The following LMBRD2 variants were observed in gnomAD, a reference collection of about 807,000 sequenced individuals.
The protein encoded by LMBRD2 is G protein-coupled receptor-associated protein LMBRD2.
In LMBRD2, 55 loss-of-function variants were observed where a neutral mutation model predicts 94.4. That is an observed-to-expected ratio of 0.58 (90% CI 0.47 to 0.73). The LOEUF is 0.73. Among genes scored for constraint, LMBRD2 ranks in the 30% least tolerant of loss-of-function variants. The pLI, the probability that LMBRD2 is intolerant of heterozygous loss-of-function variation, is 0.00. For missense variants in LMBRD2, 640 were observed against 831.9 expected (o/e 0.77, Z 2.84); for synonymous variants, 246 against 272.4 (o/e 0.90, Z 0.95).
At chr5:36,140,594 A>G (rs943355347) in intron 4 of LMBRD2, among the ~76,000 whole-genome samples, 4 of 152,210 alleles carry the variant, frequency 2.6e-5, no homozygotes, top group Non-Finnish European at 5.9e-5. Flanking sequence ...GAGAAGCTGA[A>G]AGAGCTGCCG....
chr5:36,115,156 T>C, intron 11 of LMBRD2, 36 bp from the exon 12 acceptor site: 1 of 1,296,852 alleles, frequency 7.7e-7, no homozygotes, highest in East Asian at 2.4e-5. Context: ...ATATAAAAAG[T>C]AAAGCAGCAA....
intron 16 of LMBRD2, among the ~76,000 whole-genome samples, chr5:36,106,905 C>T (rs553080711): frequency 1.3e-5 from 2 of 152,236 alleles, no homozygotes; most frequent in South Asian, 2.1e-4. Flanking sequence ...CATGCATTTT[C>T]CCAAAGGTTC....
At chr5:36,144,651 T>A (rs1247126661) in intron 1 of LMBRD2, among the ~76,000 whole-genome samples, 4 of 152,128 alleles carry the variant, frequency 2.6e-5, no homozygotes, top group African/African-American at 9.7e-5. Context: ...GCCATTACAC[T>A]GAAGCCTGGG....
At chr5:36,111,582 AT>A (rs924537348) in intron 13 of LMBRD2, among the ~76,000 whole-genome samples, 2 of 151,998 alleles carry the variant, frequency 1.3e-5, no homozygotes, top group African/African-American at 2.4e-5. Context: ...TGTAAGAGCA[AT>A]TTTTTTCCTC....
chr5:36,109,827 T>C (rs1264690075), intron 15 of LMBRD2, 118 bp downstream of exon 15: 1 of 725,538 alleles, frequency 1.4e-6, no homozygotes, highest in Non-Finnish European at 2.3e-6. Flanking sequence ...AAATATATCT[T>C]ATAACATTTT....
At chr5:36,120,836 A>G (rs1357024583) in intron 9 of LMBRD2, among the ~76,000 whole-genome samples, 1 of 152,056 alleles carries the variant, frequency 6.6e-6, no homozygotes, top group East Asian at 1.9e-4. Context: ...TACTTTATAT[A>G]CTCTTTTCCT....
Position 36,102,161 on chromosome 5 carries a change from GGAT to G in LMBRD2, c.*1882_*1884del, listed in dbSNP as rs1446000140. On this transcript the variant is annotated 3_prime_UTR_variant, in exon 18 of 18. Transcript: ENST00000296603. ...TAATAAGAAACTGGACCCATTTCTG[GGAT>G]GATCATTTCCCCATCCAATACCTTC... is the stretch of plus-strand genomic sequence containing the variant. 6.6e-6 allele frequency: 1 copy of G among 151,818 alleles called. No homozygotes were observed. Among genetic ancestry groups the G allele is most frequent in the Non-Finnish European group, 1.5e-5 (1 of 67,828 alleles). The allele number at this position is 151,818 out of a possible 1,614,324, so 9.4% of individuals were successfully genotyped here.
intron 16 of LMBRD2, among the ~76,000 whole-genome samples, chr5:36,106,929 C>T (rs969768846): frequency 3.3e-5 from 5 of 152,148 alleles, no homozygotes; most frequent in Admixed American, 6.6e-5. Flanking sequence ...CATGCCACAA[C>T]GTCCTGCACT....
At chr5:36,128,036 C>T (rs1355562375) in intron 6 of LMBRD2, among the ~76,000 whole-genome samples, 3 of 152,170 alleles carry the variant, frequency 2.0e-5, no homozygotes, top group Non-Finnish European at 4.4e-5. Flanking sequence ...CCTCCCCCAC[C>T]TCCAGGCAGC....
intron 6 of LMBRD2, among the ~76,000 whole-genome samples, chr5:36,134,998 C>G (rs894290456): frequency 6.6e-6 from 1 of 152,156 alleles, no homozygotes; most frequent in African/African-American, 2.4e-5. Flanking sequence ...TCAATTCAGT[C>G]CACTACTTGT....
At chr5:36,113,925 C>T (rs968955995) in intron 13 of LMBRD2, among the ~76,000 whole-genome samples, 3 of 152,162 alleles carry the variant, frequency 2.0e-5, no homozygotes, top group Non-Finnish European at 4.4e-5. Context: ...TACTTTATGA[C>T]ACAGGAGAAA....
chr5:36,146,189 T>C (rs371966342), intron 1 of LMBRD2, among the ~76,000 whole-genome samples: 2 of 152,242 alleles, frequency 1.3e-5, no homozygotes, highest in East Asian at 1.9e-4. Context: ...ACCACTGCTG[T>C]AACAAATTAC....
At chr5:36,114,866 A>G (rs765870060) in intron 12 of LMBRD2, 149 bp downstream of exon 12, 1 of 611,902 alleles carries the variant, frequency 1.6e-6, no homozygotes, top group Non-Finnish European at 2.8e-6. Flanking sequence ...ACTTTTATCT[A>G]GTCAATAGTA....
intron 3 of LMBRD2, 130 bp from the exon 4 acceptor site, chr5:36,141,332 A>G (rs1325083749): frequency 2.9e-5 from 14 of 479,720 alleles, no homozygotes; most frequent in Non-Finnish European, 4.1e-5. Context: ...TCAATAACCC[A>G]TAAAATTTCA....
rs1337467045 is a variant in LMBRD2, at chr5:36,099,557, T to C, written c.*4489A>G. 6.6e-6 allele frequency: 1 copy of C among 152,104 alleles called. No homozygotes were observed. Among genetic ancestry groups the C allele is most frequent in the Non-Finnish European group, 1.5e-5 (1 of 68,002 alleles). The allele number at this position is 152,104 out of a possible 1,614,324, so 9.4% of individuals were successfully genotyped here. On this transcript the variant is annotated 3_prime_UTR_variant, in exon 18 of 18. Coordinates refer to ENST00000296603, the MANE Select transcript of LMBRD2 (RefSeq NM_001007527.2). ...TTCCAAATTAGTAGGCTAATAACAT[T>C]TATGTCAATATCAACTCTAAATGGT... is the stretch of plus-strand genomic sequence containing the variant.
intron 10 of LMBRD2, 113 bp from the exon 11 acceptor site, chr5:36,116,706 T>G (rs993106191): frequency 4.7e-5 from 49 of 1,032,930 alleles, no homozygotes; most frequent in Non-Finnish European, 5.5e-5. Context: ...AGATGGAGTC[T>G]CGCCCTGTCA....
chr5:36,111,135 T>C lies in LMBRD2; in HGVS notation c.1744+20A>G. The C allele has an allele frequency of 6.9e-7, 1 of 1,445,370 alleles. No individual in the cohort carries two copies. Among genetic ancestry groups the C allele is most frequent in the South Asian group, 1.2e-5 (1 of 83,428 alleles). The allele number at this position is 1,445,370 out of a possible 1,614,324, so 89.5% of individuals were successfully genotyped here. A position where few individuals can be genotyped will look rare whatever the true frequency, so the allele number is the denominator to read the frequency against. On this transcript the variant is annotated intron_variant, in intron 14 of 17. Coordinates refer to ENST00000296603, the MANE Select transcript of LMBRD2 (RefSeq NM_001007527.2). ...GCACTTAGTATTTTCCCTTCATTTA[T>C]TTTAAAAGACAAATCTTACCTTTTC...
In LMBRD2 at chr5:36,103,440, A is replaced by G. The variant is rs1743387516; in HGVS notation, c.*606T>C. On this transcript the variant is annotated 3_prime_UTR_variant, in exon 18 of 18. Coordinates refer to ENST00000296603, the MANE Select transcript of LMBRD2 (RefSeq NM_001007527.2). ...AAATACACAGACACGCATCACTTGA[A>G]GTATAATCTTAATCTTATACATGCA... The G allele has an allele frequency of 6.6e-6, 1 of 152,396 alleles. No individual in the cohort carries two copies. Among genetic ancestry groups the G allele is most frequent in the Admixed American group, 6.6e-5 (1 of 15,224 alleles). 9.4% of individuals were successfully genotyped at this position (152,396 alleles called of 1,614,324 possible). A position where few individuals can be genotyped will look rare whatever the true frequency, so the allele number is the denominator to read the frequency against.
chr5:36,105,282 T>C (rs2111837652), intron 16 of LMBRD2, 85 bp from the exon 17 acceptor site: 1 of 1,240,728 alleles, frequency 8.1e-7, no homozygotes, highest in Admixed American at 2.3e-5. Context: ...GAAAGAAAAA[T>C]CAAAATTCCA....
Sources: allele counts gnomAD v4.1 joint callset (sites outside exome capture counted in the v4.1 genomes callset), GRCh38; gene constraint gnomAD v4.1.1; transcripts MANE v1.5; gene names NCBI Gene and HGNC (gene_info 2026-07-23, HGNC 2026-07-21).